Variants in TRAF2 observed in about 807,000 individuals in gnomAD.
The protein encoded by TRAF2 is TNF receptor associated factor 2.
TRAF2 carries 6 observed loss-of-function variants against 55.6 expected under a neutral mutation model. The ratio of observed to expected loss-of-function variants is 0.11; its 90% CI spans 0.06 to 0.21. The LOEUF (loss-of-function observed/expected upper bound fraction) is 0.21. TRAF2 is among the 10% of genes least tolerant of loss of function. The pLI, the probability that TRAF2 is intolerant of heterozygous loss-of-function variation, is 1.00. For synonymous variants in TRAF2, 329 were observed against 276.3 expected (o/e 1.19, Z -1.89); for missense variants, 561 against 684.5 (o/e 0.82, Z 2.01).
At chr9:136,886,271 G>A (rs1849444178), upstream of TRAF2, 1 of 441,356 alleles carries the variant, frequency 2.3e-6, no homozygotes, top group Non-Finnish European at 3.0e-6. Flanking sequence ...AAAGCAGAGG[G>A]CGACTTAGGT....
intron 5 of TRAF2, 55 bp downstream of exon 5, chr9:136,908,286 G>A: frequency 6.7e-7 from 1 of 1,492,978 alleles, no homozygotes; most frequent in Non-Finnish European, 8.9e-7. Flanking sequence ...GGCTGAGCTG[G>A]GGAGCTGCGT....
chr9:136,907,176 CTG>C (rs1243521574), intron 4 of TRAF2, among the ~76,000 whole-genome samples: 3 of 152,278 alleles, frequency 2.0e-5, no homozygotes, highest in Non-Finnish European at 4.4e-5. Context: ...CCCTGGCCAT[CTG>C]TGGACGTCCA....
In TRAF2 at chr9:136,925,955, G is replaced by A. The variant is rs568532821; in HGVS notation, c.*54G>A. ...GGGCAGCCAGGCACAGCCGGCTCAC[G>A]GAGGGGCCACCACGCTGGGCCAGGG... is the stretch of plus-strand genomic sequence containing the variant. On this transcript the variant is annotated 3_prime_UTR_variant, in exon 11 of 11. Coordinates refer to ENST00000247668, the MANE Select transcript of TRAF2 (RefSeq NM_021138.4). The A allele has an allele frequency of 8.8e-5, 141 of 1,601,504 alleles. 1 individual carries two copies. The highest frequency in any genetic ancestry group is 3.7e-4 in the African/African-American group (28 of 74,824).
intron 9 of TRAF2, among the ~76,000 whole-genome samples, chr9:136,923,067 C>A (rs755116447): frequency 9.9e-5 from 15 of 152,176 alleles, no homozygotes; most frequent in Non-Finnish European, 1.9e-4. Flanking sequence ...GGAAAGCAGC[C>A]TCTGCCGGGT....
At position 136,925,989 on chromosome 9, in the gene TRAF2, T is replaced by A. The variant is rs764922725; in HGVS notation, c.*88T>A. 1.2e-5 allele frequency: 18 copies of A among 1,517,808 alleles called. No homozygotes were observed. Among genetic ancestry groups the A allele is most frequent in the Non-Finnish European group, 1.6e-5 (18 of 1,101,880 alleles). 94.0% of individuals were successfully genotyped at this position (1,517,808 alleles called of 1,614,324 possible). A position where few individuals can be genotyped will look rare whatever the true frequency, so the allele number is the denominator to read the frequency against. ...ACCACGCTGGGCCAGGGTCTCACTG[T>A]ACAAGTGGGCAGGGGCCGCGCTTGG... On this transcript the variant is annotated 3_prime_UTR_variant, in exon 11 of 11. Coordinates refer to ENST00000247668, the MANE Select transcript of TRAF2 (RefSeq NM_021138.4).
chr9:136,919,368 G>C (rs1295892882), intron 7 of TRAF2, among the ~76,000 whole-genome samples: 2 of 133,938 alleles, frequency 1.5e-5, no homozygotes, highest in Non-Finnish European at 3.0e-5. Flanking sequence ...GCGCGATCTC[G>C]GCTCACCACA....
At chr9:136,921,489 G>T (rs1369893770) in intron 9 of TRAF2, among the ~76,000 whole-genome samples, 2 of 152,020 alleles carry the variant, frequency 1.3e-5, no homozygotes, top group African/African-American at 4.8e-5. Flanking sequence ...GTCACCCACA[G>T]CCTGGTCCTC....
chr9:136,891,817 G>A (rs1849586431), intron 1 of TRAF2, among the ~76,000 whole-genome samples: 1 of 151,776 alleles, frequency 6.6e-6, no homozygotes, highest in Non-Finnish European at 1.5e-5. Flanking sequence ...TGCCTCCCAG[G>A]TTCAAGCGAT....
At chr9:136,925,041 T>C (rs576738821) in intron 10 of TRAF2, among the ~76,000 whole-genome samples, 1 of 152,202 alleles carries the variant, frequency 6.6e-6, no homozygotes, top group Non-Finnish European at 1.5e-5. Flanking sequence ...CTGGCCTATT[T>C]TGAAAATCAG....
chr9:136,897,379 G>A (rs574594534), intron 1 of TRAF2, among the ~76,000 whole-genome samples: 9 of 152,350 alleles, frequency 5.9e-5, no homozygotes, highest in African/African-American at 1.2e-4. Flanking sequence ...CTGAGTTCTA[G>A]TGGACAGCAA....
chr9:136,898,203 C>T (rs1330769287), intron 1 of TRAF2, among the ~76,000 whole-genome samples: 2 of 152,210 alleles, frequency 1.3e-5, no homozygotes, highest in Non-Finnish European at 1.5e-5. Flanking sequence ...CGGCATGGCT[C>T]TCTCCTGAGT....
chr9:136,921,117 C>T lies in TRAF2; in HGVS notation c.1040C>T (p.Ala347Val). The change falls in exon 9 of 11, where the codon GCA (alanine) becomes GTA (valine). Residue 347 changes from alanine to valine, a missense_variant. Ala to Val is a moderately conservative substitution (Grantham distance 64). Transcript: ENST00000247668. ...DLEQKVLEME[A>V]STYDGVFIWK... ...GAGCAGAAGGTCTTGGAGATGGAGG[C>T]ATCCACCTACGATGGGGTCTTCATC... 2.5e-6 allele frequency: 4 copies of T among 1,614,080 alleles called. No individual in the cohort carries two copies. The highest frequency in any genetic ancestry group is 2.5e-6 in the Non-Finnish European group (3 of 1,180,018).
At chr9:136,921,270 TC>T (rs1224515051) in intron 9 of TRAF2, 55 bp downstream of exon 9, 2 of 1,603,878 alleles carry the variant, frequency 1.2e-6, no homozygotes, top group Non-Finnish European at 1.7e-6. Context: ...GGCACCTGGG[TC>T]CCCTCACCCC....
Position 136,923,953 on chromosome 9 carries a change from A to G in TRAF2, c.1240A>G (p.Met414Val). 1 of 1,613,946 alleles carries G rather than the reference A, an allele frequency of 6.2e-7. No homozygotes were observed. Residue 414 changes from methionine (M) to valine (V), a missense_variant, in exon 10 of 11, where the codon ATG (methionine) becomes GTG (valine). Around this residue, in one of 2 missense-constraint regions of TRAF2, gnomAD observed 135 missense variants for 207.7 expected, o/e 0.65. Coordinates refer to ENST00000247668, the MANE Select transcript of TRAF2 (RefSeq NM_021138.4). ...GTHLSLFFVV[M>V]KGPNDALLRW... The stretch of plus-strand genomic sequence containing the variant: ...ACACCTGTCCCTCTTCTTTGTGGTG[A>G]TGAAGGGCCCGAATGACGCCCTGCT...
chr9:136,925,466 G>A (rs1048362974), intron 10 of TRAF2, among the ~76,000 whole-genome samples: 4 of 152,246 alleles, frequency 2.6e-5, no homozygotes, highest in Admixed American at 6.5e-5. Context: ...AGATTCCCCA[G>A]AGAGAAGCGG....
intron 7 of TRAF2, 30 bp downstream of exon 7, chr9:136,916,645 AC>A (rs1355758442): frequency 1.9e-6 from 3 of 1,607,602 alleles, no homozygotes; most frequent in Non-Finnish European, 2.6e-6. Context: ...GTTGGGGGCC[AC>A]CCCTCATCCT....
At chr9:136,924,809 G>A (rs536973339) in intron 10 of TRAF2, among the ~76,000 whole-genome samples, 60 of 151,902 alleles carry the variant, frequency 3.9e-4, no homozygotes, top group African/African-American at 1.1e-3. Flanking sequence ...GCATGATCTC[G>A]GCTCACTGCA....
At position 136,910,081 on chromosome 9, in the gene TRAF2, T is replaced by C; in HGVS notation, c.603+87T>C. 2.9e-6 allele frequency: 4 copies of C among 1,375,424 alleles called. No individual in the cohort carries two copies. In the South Asian group the frequency reaches 3.7e-5, roughly 13 times the overall value. 85.2% of individuals were successfully genotyped at this position (1,375,424 alleles called of 1,614,324 possible). ...TCCCGTGGGTGGGGGTGGGGCAGGT[T>C]ATGACCCTTGTGCCCAAAGGAACAG... On this transcript the variant is annotated intron_variant, in intron 6 of 10. Coordinates refer to ENST00000247668, the MANE Select transcript of TRAF2 (RefSeq NM_021138.4).
At chr9:136,911,770 C>T (rs72761067) in intron 6 of TRAF2, among the ~76,000 whole-genome samples, 47 of 151,424 alleles carry the variant, frequency 3.1e-4, no homozygotes, top group Non-Finnish European at 3.1e-4. Context: ...CCCCCTGGCC[C>T]GTTCCAGAGG....
Sources: allele counts gnomAD v4.1 joint callset (sites outside exome capture counted in the v4.1 genomes callset), GRCh38; gene constraint gnomAD v4.1.1; regional missense constraint gnomAD v4.1.1; transcripts MANE v1.5; gene names NCBI Gene and HGNC (gene_info 2026-07-23, HGNC 2026-07-21).